GPD2: variants seen among roughly 807,000 people sequenced by gnomAD.
GPD2 encodes the protein glycerol-3-phosphate dehydrogenase, mitochondrial.
In GPD2, 54 loss-of-function variants were observed where a neutral mutation model predicts 82.4. That is an observed-to-expected ratio of 0.66 (90% CI 0.53 to 0.82). The LOEUF is 0.82. GPD2 is among the 40% of genes least tolerant of loss of function. The pLI, the probability that GPD2 is intolerant of heterozygous loss-of-function variation, is 0.00. For missense variants in GPD2, 748 were observed against 896.2 expected, an observed-to-expected ratio of 0.83 and a Z score of 2.11; for synonymous variants, 288 against 306.1, an observed-to-expected ratio of 0.94 and a Z score of 0.62.
At chr2:156,560,544 C>G (rs1687130488) in intron 9 of GPD2, among the ~76,000 whole-genome samples, 1 of 152,140 alleles carries the variant, frequency 6.6e-6, no homozygotes, top group African/African-American at 2.4e-5. Flanking sequence ...GTGTGCGGCA[C>G]CTGTCACAAC....
intron 6 of GPD2, among the ~76,000 whole-genome samples, chr2:156,530,006 T>A (rs546654151): frequency 6.6e-6 from 1 of 151,656 alleles, no homozygotes; most frequent in Non-Finnish European, 1.5e-5. Flanking sequence ...GGGGATGGCA[T>A]TGAATCTGTA....
chr2:156,483,083 G>A (rs750792727), intron 2 of GPD2, among the ~76,000 whole-genome samples: 7 of 150,554 alleles, frequency 4.6e-5, no homozygotes, highest in Non-Finnish European at 8.9e-5. Context: ...AGTTTTAAAG[G>A]CAGTAGCAAA....
intron 2 of GPD2, among the ~76,000 whole-genome samples, chr2:156,491,386 G>A (rs181204680): frequency 3.3e-5 from 5 of 152,348 alleles, no homozygotes; most frequent in Admixed American, 3.3e-4. Flanking sequence ...ATCTTCCAGT[G>A]AAACTTTGTT....
intron 9 of GPD2, 65 bp downstream of exon 9, chr2:156,557,647 A>C: frequency 1.1e-6 from 1 of 893,922 alleles, no homozygotes; most frequent in Non-Finnish European, 1.9e-6. Context: ...TCCAGCTCTC[A>C]CTGGATAAAT....
chr2:156,404,794 C>T, the GPD2 span, among the ~76,000 whole-genome samples: 106 of 147,638 alleles, frequency 7.2e-4, no homozygotes, highest in African/African-American at 2.4e-3. Flanking sequence ...GCAGAGATTG[C>T]GATGAGCCAA....
intron 2 of GPD2, among the ~76,000 whole-genome samples, chr2:156,483,386 A>G (rs962496): frequency 0.32 from 48,420 of 152,180 alleles, 9,203 homozygotes; most frequent in Non-Finnish European, 0.44. Context: ...GCACTAAGTC[A>G]ATACATACAA....
At chr2:156,558,441 G>T (rs11901848) in intron 9 of GPD2, among the ~76,000 whole-genome samples, 20,004 of 152,018 alleles carry the variant, frequency 0.13, 1,383 homozygotes, top group African/African-American at 0.16. Flanking sequence ...TTTAGGTCAG[G>T]TCTCTATCCC....
At chr2:156,426,116 G>T in the GPD2 span, among the ~76,000 whole-genome samples, 1 of 151,922 alleles carries the variant, frequency 6.6e-6, no homozygotes, top group Admixed American at 6.6e-5. Flanking sequence ...GTAGAGACGG[G>T]GTTTCACCGT....
chr2:156,439,849 A>AAAATAAAT (rs59142687), intron 1 of GPD2, among the ~76,000 whole-genome samples: 82,963 of 147,426 alleles, frequency 0.56, 23,666 homozygotes, highest in East Asian at 0.73. Flanking sequence ...TCTGTCTCAA[A>AAAATAAAT]AAATAAATAA....
chr2:156,413,033 G>A, the GPD2 span, among the ~76,000 whole-genome samples: 1 of 151,962 alleles, frequency 6.6e-6, no homozygotes, highest in Non-Finnish European at 1.5e-5. Context: ...GGAGGTTGAG[G>A]CTGCAGTAAG....
At chr2:156,563,243 A>G (rs1443865637) in intron 9 of GPD2, among the ~76,000 whole-genome samples, 1 of 152,200 alleles carries the variant, frequency 6.6e-6, no homozygotes, top group Non-Finnish European at 1.5e-5. Flanking sequence ...TGATAACTGT[A>G]TATGACCCTT....
At position 156,496,114 on chromosome 2, in the gene GPD2, A is replaced by G; in HGVS notation, c.173A>G (p.Glu58Gly). 1 of 1,612,404 alleles carries G rather than the reference A, an allele frequency of 6.2e-7. No homozygotes were observed. The highest frequency in any genetic ancestry group is 8.5e-7 in the Non-Finnish European group (1 of 1,178,436). Residue 58 changes from glutamate (E) to glycine (G), a missense_variant, in exon 3 of 17, where the codon GAA becomes GGA. Glu to Gly is a moderately conservative substitution (Grantham distance 98). Around this residue, in one of 3 missense-constraint regions of GPD2, gnomAD observed 692 missense variants for 809.7 expected, o/e 0.85. Transcript: ENST00000438166. ...GTTAACAGGGAGCCTCCTTCCAGAG[A>G]AGCTCAGCTACTGACTTTGCAAAAC... ...EPVNREPPSR[E>G]AQLLTLQNTS...
chr2:156,526,445 TAGTC>T (rs1039063912), intron 6 of GPD2, among the ~76,000 whole-genome samples: 2 of 152,168 alleles, frequency 1.3e-5, no homozygotes, highest in Non-Finnish European at 2.9e-5. Context: ...CTAATATGCT[TAGTC>T]AGACTAAGTG....
chr2:156,576,509 A>G (rs1310187351), intron 13 of GPD2, among the ~76,000 whole-genome samples: 1 of 151,914 alleles, frequency 6.6e-6, no homozygotes, highest in East Asian at 1.9e-4. Flanking sequence ...CTAGGAAAGG[A>G]TTTGTTAATC....
chr2:156,570,277 A>G, intron 12 of GPD2, 59 bp downstream of exon 12: 1 of 1,500,550 alleles, frequency 6.7e-7, no homozygotes, highest in South Asian at 1.1e-5. Context: ...TTATCTGTTC[A>G]TTTGTCATCT....
chr2:156,478,216 A>T (rs934366824), intron 2 of GPD2, among the ~76,000 whole-genome samples: 1 of 152,190 alleles, frequency 6.6e-6, no homozygotes. Flanking sequence ...GGCAAAATAA[A>T]GACCTATTGA....
In GPD2 at chr2:156,583,128, G is replaced by A. The variant is rs1688089703; in HGVS notation, c.*210G>A. The A allele has an allele frequency of 1.8e-6, 1 of 566,574 alleles. No individual in the cohort carries two copies. The highest frequency in any genetic ancestry group is 3.0e-5 in the Admixed American group (1 of 33,090). The allele number at this position is 566,574 out of a possible 1,614,324, so 35.1% of individuals were successfully genotyped here. On this transcript the variant is annotated 3_prime_UTR_variant, in exon 17 of 17. Coordinates refer to ENST00000438166, the MANE Select transcript of GPD2 (RefSeq NM_000408.5). ...ATTTGCCATTCAGTCTAGCTTTTAA[G>A]TATATTTTTTTCTTTTTCTCATTTT...
chr2:156,559,499 T>C (rs2105348895), intron 9 of GPD2, among the ~76,000 whole-genome samples: 1 of 152,352 alleles, frequency 6.6e-6, no homozygotes, highest in Admixed American at 6.5e-5. Context: ...TGCAACTCAC[T>C]AGCATCTGTG....
chr2:156,440,555 ACT>A (rs1315832059), intron 1 of GPD2, among the ~76,000 whole-genome samples: 4 of 151,518 alleles, frequency 2.6e-5, no homozygotes, highest in Non-Finnish European at 4.4e-5. Flanking sequence ...CTCGTTAGAG[ACT>A]CTTACTAGTT....
Sources: gnomAD v4.1 joint callset for allele counts (sites outside exome capture counted in the v4.1 genomes callset) on GRCh38, gnomAD v4.1.1 for gene constraint, gnomAD v4.1.1 regional missense constraint, MANE v1.5 for transcripts, NCBI Gene and HGNC (gene_info 2026-07-23, HGNC 2026-07-21) for gene names.